Variants in TMEM87B observed in about 807,000 individuals in gnomAD.
TMEM87B encodes transmembrane protein 87B.
TMEM87B carries 83 observed loss-of-function variants against 80.3 expected under a neutral mutation model. The ratio of observed to expected loss-of-function variants is 1.03; its 90% CI spans 0.87 to 1.24. The LOEUF (loss-of-function observed/expected upper bound fraction) is 1.24. Among genes scored for constraint, TMEM87B ranks in the 50% most tolerant of loss-of-function variants. The pLI, the probability that TMEM87B is intolerant of heterozygous loss-of-function variation, is 0.00. For missense variants in TMEM87B, 625 were observed against 674.4 expected (o/e 0.93, Z 0.81); for synonymous variants, 219 against 230.5 (o/e 0.95, Z 0.45).
chr2:112,057,083 G>A (rs1444069618), intron 1 of TMEM87B, among the ~76,000 whole-genome samples: 1 of 152,208 alleles, frequency 6.6e-6, no homozygotes, highest in East Asian at 1.9e-4. Context: ...AGGAAGAGAA[G>A]TTTGCTCCTT....
At chr2:112,082,015 G>A (rs1472408039) in intron 8 of TMEM87B, among the ~76,000 whole-genome samples, 1 of 152,140 alleles carries the variant, frequency 6.6e-6, no homozygotes, top group Non-Finnish European at 1.5e-5. Context: ...CATATAACCA[G>A]TGGAGGCACC....
At chr2:112,099,033 G>A (rs530415358) in intron 14 of TMEM87B, among the ~76,000 whole-genome samples, 4 of 152,270 alleles carry the variant, frequency 2.6e-5, no homozygotes, top group South Asian at 4.1e-4. Flanking sequence ...AGGCCAGTGA[G>A]ACATGCAGTT....
chr2:112,106,358 C>T (rs557660608), intron 16 of TMEM87B, among the ~76,000 whole-genome samples: 1 of 152,226 alleles, frequency 6.6e-6, no homozygotes, highest in South Asian at 2.1e-4. Flanking sequence ...TCAGGCCTAC[C>T]CCGGACGCTC....
At chr2:112,063,867 G>C (rs141918467) in intron 2 of TMEM87B, among the ~76,000 whole-genome samples, 53 of 152,350 alleles carry the variant, frequency 3.5e-4, no homozygotes, top group Non-Finnish European at 6.9e-4. Context: ...GAATATGTGA[G>C]TGAGAAAAAT....
At position 112,055,757 on chromosome 2, in the gene TMEM87B, G is replaced by A. The variant is rs1025447202; in HGVS notation, c.165+1G>A. The A allele has an allele frequency of 3.4e-6, 5 of 1,476,768 alleles. No homozygotes were observed. Among genetic ancestry groups the A allele is most frequent in the Non-Finnish European group, 3.6e-6 (4 of 1,116,470 alleles). The allele number at this position is 1,476,768 out of a possible 1,614,324, so 91.5% of individuals were successfully genotyped here. A position where few individuals can be genotyped will look rare whatever the true frequency, so the allele number is the denominator to read the frequency against. ...GCTCTGGTTAGAGACAGTCAACGAC[G>A]TAAGTGGAGTGTCGGGACCCAGGCG... On this transcript the variant is annotated splice_donor_variant, in intron 1 of 18. Coordinates refer to ENST00000283206, the MANE Select transcript of TMEM87B (RefSeq NM_032824.3). LOFTEE classifies it high-confidence loss of function.
chr2:112,091,080 T>C (rs955746428), intron 10 of TMEM87B, among the ~76,000 whole-genome samples: 9 of 152,134 alleles, frequency 5.9e-5, no homozygotes, highest in African/African-American at 2.2e-4. Flanking sequence ...TATATTGTAT[T>C]CCTTTAAAAT....
In TMEM87B at chr2:112,108,157, A is replaced by T. The variant is rs1023380004; in HGVS notation, c.1577+317A>T. 9.7e-4 allele frequency among the ~76,000 whole-genome samples: 147 copies of T among 150,922 alleles called. 1 individual carries two copies. Among genetic ancestry groups the T allele is most frequent in the African/African-American group, 3.3e-3 (135 of 41,184 alleles). On this transcript the variant is annotated intron_variant, in intron 17 of 18. Transcript: ENST00000283206. ...AAATGTATGTAAACTTTTTTTTTTT[A>T]AAGGTAACCACAGCACCATGTATTG...
intron 1 of TMEM87B, among the ~76,000 whole-genome samples, chr2:112,057,942 C>T (rs1252815552): frequency 6.6e-6 from 1 of 151,942 alleles, no homozygotes; most frequent in East Asian, 1.9e-4. Context: ...ATTCTCCTGC[C>T]TCAGCCTCCT....
chr2:112,080,356 T>A (rs1050116767), intron 6 of TMEM87B, among the ~76,000 whole-genome samples: 4 of 152,108 alleles, frequency 2.6e-5, no homozygotes, highest in African/African-American at 9.7e-5. Flanking sequence ...ACCTCCTGGG[T>A]TCACGCCATT....
intron 1 of TMEM87B, among the ~76,000 whole-genome samples, chr2:112,056,033 C>G (rs1247963316): frequency 6.6e-6 from 1 of 152,156 alleles, no homozygotes; most frequent in East Asian, 1.9e-4. Flanking sequence ...CCATGCCCGA[C>G]GCCGTGGCCC....
At chr2:112,065,265 G>A (rs2104457441) in intron 3 of TMEM87B, among the ~76,000 whole-genome samples, 1 of 152,206 alleles carries the variant, frequency 6.6e-6, no homozygotes, top group Non-Finnish European at 1.5e-5. Context: ...AATTTCCTAA[G>A]AACAGAGATA....
At chr2:112,105,291 T>C (rs1434940873) in intron 15 of TMEM87B, among the ~76,000 whole-genome samples, 1 of 152,190 alleles carries the variant, frequency 6.6e-6, no homozygotes, top group East Asian at 1.9e-4. Context: ...TGTTCTAGTT[T>C]ATGGAGAAGC....
At chr2:112,096,764 C>T (rs941257264) in intron 11 of TMEM87B, among the ~76,000 whole-genome samples, 12 of 152,338 alleles carry the variant, frequency 7.9e-5, no homozygotes, top group Non-Finnish European at 1.6e-4. Flanking sequence ...TCCCGTGTTG[C>T]GGGTGCATGG....
chr2:112,060,091 T>C (rs1308463559), intron 2 of TMEM87B, 54 bp downstream of exon 2: 2 of 1,422,828 alleles, frequency 1.4e-6, no homozygotes, highest in African/African-American at 1.5e-5. Flanking sequence ...CTCACGCCTG[T>C]AATCCCGGCA....
intron 6 of TMEM87B, among the ~76,000 whole-genome samples, chr2:112,080,823 T>A (rs1678973695): frequency 6.6e-6 from 1 of 152,182 alleles, no homozygotes; most frequent in African/African-American, 2.4e-5. Context: ...TGTTATGTAG[T>A]GTTCTCCCTA....
At chr2:112,113,108 A>G (rs527483617) in intron 18 of TMEM87B, among the ~76,000 whole-genome samples, 179 bp downstream of exon 18, 2 of 130,220 alleles carry the variant, frequency 1.5e-5, no homozygotes, top group African/African-American at 5.7e-5. Flanking sequence ...TCCCCATTTC[A>G]AACAAGAACA....
intron 11 of TMEM87B, 75 bp from the exon 12 acceptor site, chr2:112,096,969 A>T: frequency 2.0e-6 from 2 of 1,009,732 alleles, no homozygotes; most frequent in Non-Finnish European, 3.0e-6. Context: ...GACTTTGGGA[A>T]CATAGTAGAA....
intron 6 of TMEM87B, among the ~76,000 whole-genome samples, chr2:112,080,480 C>T (rs986434827): frequency 1.3e-5 from 2 of 150,158 alleles, no homozygotes; most frequent in Non-Finnish European, 3.0e-5. Context: ...AGGATGGTCT[C>T]GATCTCCTGA....
At chr2:112,101,675 G>C (rs1032973606) in intron 15 of TMEM87B, among the ~76,000 whole-genome samples, 1 of 152,264 alleles carries the variant, frequency 6.6e-6, no homozygotes, top group African/African-American at 2.4e-5. Flanking sequence ...GGCAGCAAAG[G>C]CAGACATATG....
Sources: allele counts gnomAD v4.1 joint callset (sites outside exome capture counted in the v4.1 genomes callset), GRCh38; gene constraint gnomAD v4.1.1; transcripts MANE v1.5; gene names NCBI Gene and HGNC (gene_info 2026-07-23, HGNC 2026-07-21).